S100Z: variants seen among roughly 807,000 people sequenced by gnomAD.
The protein encoded by S100Z is S100 calcium binding protein Z.
Under a neutral mutation model 8.5 loss-of-function variants are expected in S100Z, and 11 were observed. That is an observed-to-expected ratio of 1.30 (90% CI 0.82 to 2.15). S100Z has a LOEUF of 2.15. Ranked by LOEUF, S100Z falls within the 30% of genes most tolerant of loss-of-function variation. The pLI is 0.00. For missense variants in S100Z, 126 were observed against 117.9 expected, an observed-to-expected ratio of 1.07 and a Z score of -0.32; for synonymous variants, 34 against 43.8, an observed-to-expected ratio of 0.78 and a Z score of 0.89.
chr5:76,937,998 C>G, the S100Z span, among the ~76,000 whole-genome samples: 10 of 151,858 alleles, frequency 6.6e-5, no homozygotes, highest in Admixed American at 2.0e-4. Flanking sequence ...ACTCAAGAGT[C>G]TGAGGCAAGA....
intron 2 of S100Z, among the ~76,000 whole-genome samples, chr5:76,873,650 C>A (rs1352085840): frequency 6.6e-6 from 1 of 152,078 alleles, no homozygotes; most frequent in Non-Finnish European, 1.5e-5. Flanking sequence ...CTCCTGGGAA[C>A]CTTGCAGGGA....
the S100Z span, among the ~76,000 whole-genome samples, chr5:76,947,451 C>G: frequency 2.0e-5 from 3 of 152,182 alleles, no homozygotes; most frequent in Non-Finnish European, 2.9e-5. Context: ...AAAAATAAAT[C>G]TTATCTATTA....
intron 3 of S100Z, among the ~76,000 whole-genome samples, chr5:76,877,189 GCACTTTCAAAAGT>G (rs1478989468): frequency 2.0e-5 from 3 of 152,074 alleles, no homozygotes; most frequent in Non-Finnish European, 4.4e-5. Context: ...GGTGCTCTAA[GCACTTTCAAAAGT>G]GTGATGAAGT....
chr5:76,945,852 T>C, the S100Z span, among the ~76,000 whole-genome samples: 3 of 152,186 alleles, frequency 2.0e-5, no homozygotes, highest in Non-Finnish European at 2.9e-5. Flanking sequence ...CCGCTGTTCT[T>C]TCTCTATACT....
chr5:76,866,940 A>AT (rs998534712), intron 1 of S100Z, among the ~76,000 whole-genome samples: 5 of 152,022 alleles, frequency 3.3e-5, no homozygotes, highest in South Asian at 4.2e-4. Flanking sequence ...TTTTCCTGAA[A>AT]TTTTTTTTGC....
chr5:76,913,433 C>A (rs74786546), intron 4 of S100Z, among the ~76,000 whole-genome samples: 1 of 152,182 alleles, frequency 6.6e-6, no homozygotes. Context: ...CTCAAACCTG[C>A]GAGCTGTTTG....
chr5:76,907,465 G>A (rs1025386747), intron 4 of S100Z, among the ~76,000 whole-genome samples: 14 of 152,022 alleles, frequency 9.2e-5, no homozygotes, highest in African/African-American at 3.1e-4. Context: ...CACCATGCCC[G>A]GCTAATTTTT....
chr5:76,863,406 G>A (rs1002441044), intron 1 of S100Z, among the ~76,000 whole-genome samples: 6 of 152,182 alleles, frequency 3.9e-5, no homozygotes, highest in South Asian at 2.1e-4. Flanking sequence ...GTCATTTTAC[G>A]CTTGTGAAAA....
intron 4 of S100Z, among the ~76,000 whole-genome samples, chr5:76,896,228 A>G (rs556685906): frequency 1.3e-5 from 2 of 152,082 alleles, no homozygotes; most frequent in East Asian, 1.9e-4. Context: ...TCTACTCTCT[A>G]TGTCCATGAG....
At chr5:76,867,945 C>T (rs187862718) in intron 1 of S100Z, among the ~76,000 whole-genome samples, 1 of 152,290 alleles carries the variant, frequency 6.6e-6, no homozygotes, top group African/African-American at 2.4e-5. Context: ...CACACTATCT[C>T]AGACCTTTAC....
intron 4 of S100Z, among the ~76,000 whole-genome samples, chr5:76,911,635 T>C (rs1228931446): frequency 4.6e-5 from 7 of 152,196 alleles, no homozygotes; most frequent in African/African-American, 9.7e-5. Context: ...ATGTGGATAA[T>C]TTACTTTTGG....
At chr5:76,860,234 G>A (rs770103172) in intron 1 of S100Z, among the ~76,000 whole-genome samples, 4 of 152,076 alleles carry the variant, frequency 2.6e-5, no homozygotes, top group Non-Finnish European at 4.4e-5. Flanking sequence ...ACCAAGCACC[G>A]AGGCTCTGCT....
chr5:76,885,948 AAAG>A (rs1743612149), intron 4 of S100Z, among the ~76,000 whole-genome samples: 1 of 122,664 alleles, frequency 8.2e-6, no homozygotes, highest in African/African-American at 3.2e-5. Flanking sequence ...AGTGGAGAGA[AAAG>A]AGAGAGTAGA....
chr5:76,890,390 CCAGAGG>C (rs1561239146), intron 4 of S100Z, among the ~76,000 whole-genome samples: 2 of 151,940 alleles, frequency 1.3e-5, no homozygotes, highest in African/African-American at 4.8e-5. Context: ...GGAAGGCTTC[CCAGAGG>C]CAGAGGCTTG....
At chr5:76,894,902 T>C (rs958484143) in intron 4 of S100Z, among the ~76,000 whole-genome samples, 3 of 152,150 alleles carry the variant, frequency 2.0e-5, no homozygotes, top group African/African-American at 7.2e-5. Flanking sequence ...ATTTTTTCTT[T>C]ATATTTTAAA....
At chr5:76,888,144 C>T (rs1743714635) in intron 4 of S100Z, among the ~76,000 whole-genome samples, 1 of 151,296 alleles carries the variant, frequency 6.6e-6, no homozygotes, top group South Asian at 2.1e-4. Context: ...GTAGTCCCAG[C>T]TACTCAGGAG....
intron 2 of S100Z, among the ~76,000 whole-genome samples, chr5:76,871,816 C>T (rs527964328): frequency 1.1e-4 from 16 of 152,350 alleles, no homozygotes; most frequent in African/African-American, 2.9e-4. Flanking sequence ...CGTGAGCCAC[C>T]GGGCCCTGCC....
chr5:76,898,933 CTTT>C (rs56287065), intron 4 of S100Z, among the ~76,000 whole-genome samples: 2 of 109,958 alleles, frequency 1.8e-5, no homozygotes. Context: ...CTTTTCTTTT[CTTT>C]TTTTTTTTTT....
At chr5:76,943,778 C>T in the S100Z span, among the ~76,000 whole-genome samples, 97,912 of 151,292 alleles carry the variant, frequency 0.65, 31,855 homozygotes, top group South Asian at 0.76. Context: ...ATGAGAATGA[C>T]CCCATGCTCC....
Sources: gnomAD v4.1 joint callset for allele counts (sites outside exome capture counted in the v4.1 genomes callset) on GRCh38, gnomAD v4.1.1 for gene constraint, MANE v1.5 for transcripts, NCBI Gene and HGNC (gene_info 2026-07-23, HGNC 2026-07-21) for gene names.